FAH: variants seen among roughly 807,000 people sequenced by gnomAD.
FAH encodes fumarylacetoacetase.
FAH carries 47 observed loss-of-function variants against 55.8 expected under a neutral mutation model. That is an observed-to-expected ratio of 0.84 (90% CI 0.67 to 1.07). The LOEUF is 1.07. Ranked by LOEUF, FAH falls within the 50% of genes least tolerant of loss-of-function variation. The probability of loss-of-function intolerance (pLI) is 0.00; values close to 1 mark genes in which losing one functional copy is unlikely to be tolerated. For missense variants in FAH, 495 were observed against 545.9 expected (o/e 0.91, Z 0.93); for synonymous variants, 199 against 207.7 (o/e 0.96, Z 0.36).
chr15:80,153,210 G>GTGGAA (rs1567112946), intron 1 of FAH, 75 bp downstream of exon 1: 9 of 782,610 alleles, frequency 1.2e-5, no homozygotes, highest in South Asian at 1.8e-5. Flanking sequence ...GTGGAGTGGA[G>GTGGAA]TGGAATGGAG....
chr15:80,160,159 C>T (rs2041136383), intron 3 of FAH: 2 of 634,804 alleles, frequency 3.2e-6, no homozygotes, highest in South Asian at 3.7e-5. Context: ...TCTGTGACCT[C>T]ATCTGGTTTC....
At chr15:80,177,811 G>A (rs569506633) in intron 11 of FAH, among the ~76,000 whole-genome samples, 2 of 152,208 alleles carry the variant, frequency 1.3e-5, no homozygotes, top group Non-Finnish European at 2.9e-5. Context: ...GGGGAAAATA[G>A]GTGTTCCTGT....
intron 9 of FAH, chr15:80,173,458 T>C: frequency 2.1e-6 from 1 of 467,858 alleles, no homozygotes; most frequent in Non-Finnish European, 3.9e-6. Flanking sequence ...GTACCAACAT[T>C]GCACAACCTC....
At chr15:80,161,271 G>GTT (rs1185001944) in intron 4 of FAH, among the ~76,000 whole-genome samples, 48 of 138,248 alleles carry the variant, frequency 3.5e-4, no homozygotes, top group East Asian at 1.5e-3. Context: ...GCCCTTTCTT[G>GTT]TTTTTTTTTT....
chr15:80,152,909 G>A, upstream of FAH: 1 of 674,896 alleles, frequency 1.5e-6, no homozygotes, highest in South Asian at 1.7e-5. Context: ...AAGTCAGGTA[G>A]GAGCCTCCGG....
upstream of FAH, chr15:80,152,912 G>A (rs2041062892): frequency 1.5e-6 from 1 of 679,076 alleles, no homozygotes; most frequent in Admixed American, 2.3e-5. Flanking sequence ...TCAGGTAGGA[G>A]CCTCCGGGGT....
At chr15:80,184,837 T>C (rs1356421121) in intron 13 of FAH, among the ~76,000 whole-genome samples, 1 of 152,096 alleles carries the variant, frequency 6.6e-6, no homozygotes, top group East Asian at 1.9e-4. Context: ...GAATGGCATT[T>C]TCATGTGTCT....
intron 5 of FAH, chr15:80,163,256 G>A (rs1271847892): frequency 6.6e-6 from 1 of 152,396 alleles, no homozygotes; most frequent in Non-Finnish European, 1.5e-5. Flanking sequence ...CAGGTTCCAG[G>A]CTTCCACGTG....
rs2041326279 is a variant in FAH at position 80,180,985 on chromosome 15, A to G, written c.1063-57A>G. On this transcript the variant is annotated intron_variant, in intron 12 of 13. Transcript: ENST00000561421. ...TCCCAGGTCTTGCTGAGCATGGTCC[A>G]TGCCAGAGCCAAGGCATAAATTCAT... The G allele has an allele frequency of 1.3e-5, 19 of 1,432,746 alleles. No homozygotes were observed. The South Asian group carries it at 2.0e-4, about 15-fold the overall frequency. The allele number at this position is 1,432,746 out of a possible 1,614,324, so 88.8% of individuals were successfully genotyped here.
Position 80,162,724 on chromosome 15 carries a change from A to AT in FAH, c.455+389dup, listed in dbSNP as rs1281176516. The AT allele has an allele frequency of 9.4e-6, 3 of 320,046 alleles. No individual in the cohort carries two copies. The East Asian group carries it at 2.3e-4, about 24-fold the overall frequency. The allele number at this position is 320,046 out of a possible 1,614,324, so 19.8% of individuals were successfully genotyped here. A position where few individuals can be genotyped will look rare whatever the true frequency, so the allele number is the denominator to read the frequency against. The stretch of plus-strand genomic sequence containing the variant: ...AATCCTCAAATGTGCCCAGTGCTGT[A>AT]TATTCCTCAACATGTGATCGGTTTC... On this transcript the variant is annotated intron_variant, in intron 5 of 13. Coordinates refer to ENST00000561421, the MANE Select transcript of FAH (RefSeq NM_000137.4).
rs2043693 is a variant in FAH, at chr15:80,172,443, A to G, written c.706+195A>G. Among the ~76,000 whole-genome samples the G allele has an allele frequency of 3.0e-3, 403 of 133,818 alleles. 2 individuals are homozygous for G. The highest frequency in any genetic ancestry group is 9.4e-3 in the African/African-American group (373 of 39,550). 87.8% of individuals were successfully genotyped at this position (133,818 alleles called of 152,430 possible). On this transcript the variant is annotated intron_variant, in intron 8 of 13. Transcript: ENST00000561421. ...ACTCACTTAACTCCTCTGAGCTCCA[A>G]TTTTCTCGAGTGGCTAGGGACACGG...
At position 80,153,172 on chromosome 15, in the gene FAH, GGAGTGGAGT is replaced by G. The variant is rs767638459; in HGVS notation, c.81+39_81+47del. 129 of 471,458 alleles carry G rather than the reference GGAGTGGAGT, an allele frequency of 2.7e-4. 2 individuals carry two copies. The highest frequency in any genetic ancestry group is 2.7e-3 in the African/African-American group (75 of 28,108). The allele number at this position is 471,458 out of a possible 1,614,324, so 29.2% of individuals were successfully genotyped here. ...GGCTTTGGCGTCCGGGCGCGGGGAGGGAGTGGAGTGGAGTGGAGTGGAGTGGAGTGGAGT... is the reference window on the plus strand; with the variant it reads ...GGCTTTGGCGTCCGGGCGCGGGGAGGGGAGTGGAGTGGAGTGGAGTGGAGT... On this transcript the variant is annotated intron_variant, in intron 1 of 13. Transcript: ENST00000561421.
At chr15:80,162,680 A>G (rs188080498) in intron 5 of FAH, 5 of 372,468 alleles carry the variant, frequency 1.3e-5, no homozygotes, top group East Asian at 6.3e-5. Flanking sequence ...CTCCATACTT[A>G]CATTTTCTGA....
chr15:80,170,188 G>A (rs2041228250), intron 7 of FAH, among the ~76,000 whole-genome samples: 1 of 152,270 alleles, frequency 6.6e-6, no homozygotes, highest in Non-Finnish European at 1.5e-5. Flanking sequence ...GATGCCCAAG[G>A]TTGGAGTCAG....
chr15:80,165,521 C>T (rs1271160938), intron 5 of FAH, among the ~76,000 whole-genome samples: 1 of 149,284 alleles, frequency 6.7e-6, no homozygotes, highest in Non-Finnish European at 1.5e-5. Context: ...GAGCGAGACT[C>T]CATCTCAAAA....
chr15:80,180,931 C>A, intron 12 of FAH, 111 bp from the exon 13 acceptor site: 1 of 823,306 alleles, frequency 1.2e-6, no homozygotes, highest in South Asian at 1.4e-5. Flanking sequence ...CTCTGAGGGG[C>A]ATGAGGGCCC....
Position 80,168,574 on chromosome 15 carries a change from T to C in FAH, c.606+258T>C, listed in dbSNP as rs146861112. Among the ~76,000 whole-genome samples the C allele has an allele frequency of 2.4e-3, 367 of 152,356 alleles. 1 individual carries two copies. The highest frequency in any genetic ancestry group is 8.6e-3 in the African/African-American group (357 of 41,582). ...AATATTCACAGAGCTTTTGTGGGCA[T>C]GTGTGGACATGCGCAGGGCAGTGAA... is the stretch of plus-strand genomic sequence containing the variant. On this transcript the variant is annotated intron_variant, in intron 7 of 13. Transcript: ENST00000561421.
In FAH at chr15:80,154,934, C is replaced by T. The variant is rs1296136119; in HGVS notation, c.81+1799C>T. Among the ~76,000 whole-genome samples, 6 of 152,252 alleles carry T rather than the reference C, an allele frequency of 3.9e-5. No homozygotes were observed. In the East Asian group the frequency reaches 1.2e-3, roughly 29 times the overall value. On this transcript the variant is annotated intron_variant, in intron 1 of 13. Transcript: ENST00000561421. ...GTTTTGCCGGGTGCCTTGTTAAAGT[C>T]CCCGTGGTCTGGCTGTGCTGCTGCC...
Position 80,172,140 on chromosome 15 carries a change from C to G in FAH, c.607-9C>G. On this transcript the variant is annotated splice_polypyrimidine_tract_variant and intron_variant, in intron 7 of 13. Transcript: ENST00000561421. ...GCTCCAGATTCTAATGAACTCTCCCCCATGTAAGGCTTTTTTTGTAGGCCC... is the reference window on the plus strand; with the variant it reads ...GCTCCAGATTCTAATGAACTCTCCCGCATGTAAGGCTTTTTTTGTAGGCCC... The G allele has an allele frequency of 6.2e-7, 1 of 1,605,910 alleles. No homozygotes were observed. Among genetic ancestry groups the G allele is most frequent in the African/African-American group, 1.3e-5 (1 of 74,880 alleles).
Sources: allele counts gnomAD v4.1 joint callset (sites outside exome capture counted in the v4.1 genomes callset), GRCh38; gene constraint gnomAD v4.1.1; transcripts MANE v1.5; gene names NCBI Gene and HGNC (gene_info 2026-07-23, HGNC 2026-07-21).